BCAS3: variants seen among roughly 807,000 people sequenced by gnomAD.
BCAS3 encodes BCAS3 microtubule associated cell migration factor, also known as BCAS4/BCAS3 fusion.
BCAS3 carries 53 observed loss-of-function variants against 116.1 expected under a neutral mutation model. That is an observed-to-expected ratio of 0.46 (90% CI 0.37 to 0.57). The LOEUF is 0.57. Among genes scored for constraint, BCAS3 ranks in the 20% least tolerant of loss-of-function variants. BCAS3 has a pLI of 0.00. For synonymous variants in BCAS3, 391 were observed against 408.2 expected (o/e 0.96, Z 0.51); for missense variants, 917 against 1,165.4 (o/e 0.79, Z 3.10).
intron 6 of BCAS3, among the ~76,000 whole-genome samples, chr17:60,786,149 A>G (rs1161739198): frequency 6.6e-6 from 1 of 152,142 alleles, no homozygotes; most frequent in African/African-American, 2.4e-5. Context: ...ACCACGGATA[A>G]AATTATGTCA....
chr17:60,760,505 T>G (rs1039851142), intron 6 of BCAS3, among the ~76,000 whole-genome samples: 1 of 151,866 alleles, frequency 6.6e-6, no homozygotes, highest in Admixed American at 6.6e-5. Flanking sequence ...TTGTTTTTTT[T>G]TTTTTAAATT....
chr17:60,697,115 A>G (rs1475812950), intron 4 of BCAS3, among the ~76,000 whole-genome samples: 2 of 152,128 alleles, frequency 1.3e-5, no homozygotes, highest in Non-Finnish European at 2.9e-5. Flanking sequence ...GCTTCAGCCC[A>G]GGAGGTCGAG....
At chr17:61,093,433 A>T (rs1367881113) in intron 22 of BCAS3, among the ~76,000 whole-genome samples, 1 of 152,126 alleles carries the variant, frequency 6.6e-6, no homozygotes, top group Non-Finnish European at 1.5e-5. Flanking sequence ...CAAAAAGTAC[A>T]AAAATTAGCC....
At position 61,010,126 on chromosome 17, in the gene BCAS3, G is replaced by A. The variant is rs1035928961; in HGVS notation, c.1487-5625G>A. 4.1e-5 allele frequency among the ~76,000 whole-genome samples: 6 copies of A among 147,946 alleles called. No individual in the cohort carries two copies. The Admixed American group carries it at 4.1e-4, about 10-fold the overall frequency. The stretch of plus-strand genomic sequence containing the variant: ...AGTCTGTTAATGATGACTGGTTTGG[G>A]AATATGCCTCTCTGCAAAGCTGACC... On this transcript the variant is annotated intron_variant, in intron 15 of 23. Transcript: ENST00000407086.
chr17:61,146,691 T>A (rs780579319), intron 22 of BCAS3, among the ~76,000 whole-genome samples: 2 of 152,204 alleles, frequency 1.3e-5, no homozygotes, highest in Non-Finnish European at 2.9e-5. Context: ...TCTTTCCTTG[T>A]GACTCTCATA....
rs914533408 is a variant in BCAS3 at position 61,219,797 on chromosome 17, T to G, written c.2425+135233T>G. On this transcript the variant is annotated intron_variant, in intron 22 of 23. Transcript: ENST00000407086. This position sits in a 1 kb window ranked among gnomAD's most constrained non-coding sequence, Gnocchi z 5.2. ...AGCACTTCTTATTTGGGCTGAGCAG[T>G]ACTAGGACTTGAATTCCAGAGATGA... Among the ~76,000 whole-genome samples the G allele has an allele frequency of 2.6e-5, 4 of 152,122 alleles. No homozygotes were observed. The highest frequency in any genetic ancestry group is 4.4e-5 in the Non-Finnish European group (3 of 68,020).
At chr17:61,242,619 C>G (rs1602138464) in intron 22 of BCAS3, among the ~76,000 whole-genome samples, 1 of 152,246 alleles carries the variant, frequency 6.6e-6, no homozygotes, top group East Asian at 1.9e-4. Flanking sequence ...GTTAAAATCT[C>G]ATAAGATTCA....
intron 11 of BCAS3, among the ~76,000 whole-genome samples, chr17:60,903,906 T>G (rs1255454347): frequency 6.6e-6 from 1 of 152,224 alleles, no homozygotes; most frequent in African/African-American, 2.4e-5. Context: ...TAGACTCCTT[T>G]TAGACTTGTC....
chr17:60,985,301 A>G (rs1311359224), intron 14 of BCAS3, among the ~76,000 whole-genome samples: 1 of 151,692 alleles, frequency 6.6e-6, no homozygotes, highest in African/African-American at 2.4e-5. Context: ...ATGCGCCACT[A>G]TGCCTGGCTA....
chr17:60,695,578 C>A (rs1463942617), intron 4 of BCAS3, among the ~76,000 whole-genome samples: 5 of 152,030 alleles, frequency 3.3e-5, no homozygotes, highest in African/African-American at 1.2e-4. Context: ...TGAGGAACCA[C>A]CATACTGTTT....
rs149801969 is a variant in BCAS3, at chr17:60,957,474, C to G, written c.1221+10122C>G. Among the ~76,000 whole-genome samples, 290 of 152,218 alleles carry G rather than the reference C, an allele frequency of 1.9e-3. 1 individual carries two copies. The highest frequency in any genetic ancestry group is 6.6e-3 in the African/African-American group (275 of 41,534). Reference sequence around the variant, plus strand: ...GAATCTAGCAACCCTGTGCATGACCCTATCTATAGTCATGTAATTCTTCAG... The same window carrying G: ...GAATCTAGCAACCCTGTGCATGACCGTATCTATAGTCATGTAATTCTTCAG... On this transcript the variant is annotated intron_variant, in intron 14 of 23. Coordinates refer to ENST00000407086, the MANE Select transcript of BCAS3 (RefSeq NM_017679.5).
rs548536549 is a variant in BCAS3 at position 60,993,373 on chromosome 17, T to C, written c.1486+3138T>C. ...GCTTTCATGTCTCTCTGCATGTTTT[T>C]TTCAGAAATCTCAAAGAGGAGAATC... On this transcript the variant is annotated intron_variant, in intron 15 of 23. Transcript: ENST00000407086. This position sits in a 1 kb window ranked among gnomAD's most constrained non-coding sequence, Gnocchi z 4.2. 2.0e-5 allele frequency among the ~76,000 whole-genome samples: 3 copies of C among 152,314 alleles called. No individual in the cohort carries two copies. The highest frequency in any genetic ancestry group is 4.1e-4 in the South Asian group (2 of 4,826).
intron 22 of BCAS3, among the ~76,000 whole-genome samples, chr17:61,114,631 G>A (rs1034391763): frequency 6.6e-6 from 1 of 152,060 alleles, no homozygotes; most frequent in Non-Finnish European, 1.5e-5. Flanking sequence ...TCATGGGTAG[G>A]AAGAATCAAT....
chr17:61,099,681 G>A (rs1215735450), intron 22 of BCAS3, among the ~76,000 whole-genome samples: 1 of 152,284 alleles, frequency 6.6e-6, no homozygotes, highest in African/African-American at 2.4e-5. Context: ...TTTGTTTTAA[G>A]GTTATCTTTA....
intron 13 of BCAS3, among the ~76,000 whole-genome samples, chr17:60,943,582 G>A (rs2060332206): frequency 6.6e-6 from 1 of 152,032 alleles, no homozygotes; most frequent in African/African-American, 2.4e-5. Context: ...ATATAACTTA[G>A]GAAAACTACA....
chr17:61,202,277 A>G, intron 22 of BCAS3, among the ~76,000 whole-genome samples: 1 of 151,522 alleles, frequency 6.6e-6, no homozygotes, highest in East Asian at 1.9e-4. Context: ...AGCTGGGACT[A>G]CAGGCACCCA....
intron 22 of BCAS3, among the ~76,000 whole-genome samples, chr17:61,212,366 G>A (rs923351657): frequency 6.6e-6 from 1 of 152,048 alleles, no homozygotes; most frequent in Non-Finnish European, 1.5e-5. Context: ...GCCTCCCAAA[G>A]CACTGAGATA....
rs1285382114 is a variant in BCAS3, at chr17:61,095,647, A to C, written c.2425+11083A>C. ...ATGCCCGGCTAATTTTTGTATTTTT[A>C]GTAGAGACAAGGTTTCACCATGTTG... is the stretch of plus-strand genomic sequence containing the variant. On this transcript the variant is annotated intron_variant, in intron 22 of 23. Coordinates refer to ENST00000407086, the MANE Select transcript of BCAS3 (RefSeq NM_017679.5). The surrounding 1 kb of genome is among the most constrained non-coding windows in gnomAD (Gnocchi z 4.7). Among the ~76,000 whole-genome samples, 1 of 151,976 alleles carries C rather than the reference A, an allele frequency of 6.6e-6. No homozygotes were observed. Among genetic ancestry groups the C allele is most frequent in the Non-Finnish European group, 1.5e-5 (1 of 67,976 alleles).
chr17:61,385,905 TAAAA>T (rs1010640702), intron 23 of BCAS3, among the ~76,000 whole-genome samples: 4 of 152,134 alleles, frequency 2.6e-5, no homozygotes, highest in Admixed American at 1.3e-4. Flanking sequence ...ATTTCTTGAT[TAAAA>T]AGAAAGAATC....
Sources: allele counts gnomAD v4.1 joint callset (sites outside exome capture counted in the v4.1 genomes callset), GRCh38; gene constraint gnomAD v4.1.1; non-coding constraint Gnocchi (gnomAD v3.1); transcripts MANE v1.5; gene names NCBI Gene and HGNC (gene_info 2026-07-23, HGNC 2026-07-21).